GTF2IRD1: variants seen among roughly 807,000 people sequenced by gnomAD.
The protein encoded by GTF2IRD1 is GTF2I repeat domain containing 1.
A neutral mutation model predicts 113.2 loss-of-function variants in GTF2IRD1; 26 were observed. That is an observed-to-expected ratio of 0.23 (90% CI 0.17 to 0.32). GTF2IRD1 has a LOEUF of 0.32. GTF2IRD1 is among the 10% of genes least tolerant of loss of function. GTF2IRD1 has a pLI of 1.00. For synonymous variants in GTF2IRD1, 484 were observed against 529.1 expected (o/e 0.91, Z 1.17); for missense variants, 864 against 1,280.8 (o/e 0.67, Z 4.97).
intron 1 of GTF2IRD1, among the ~76,000 whole-genome samples, chr7:74,467,434 A>T (rs1554331191): frequency 6.6e-6 from 1 of 152,206 alleles, no homozygotes; most frequent in African/African-American, 2.4e-5. Context: ...AAGGCAGCTG[A>T]TGTGTGCAGA....
intron 1 of GTF2IRD1, among the ~76,000 whole-genome samples, chr7:74,466,981 C>G (rs1201637242): frequency 6.7e-6 from 1 of 149,706 alleles, no homozygotes; most frequent in East Asian, 2.0e-4. Flanking sequence ...GACAGGGTCT[C>G]GCTCCATTGC....
intron 22 of GTF2IRD1, 99 bp from the exon 23 acceptor site, chr7:74,589,752 G>A (rs1289260935): frequency 2.8e-6 from 2 of 722,918 alleles, no homozygotes; most frequent in Non-Finnish European, 5.0e-6. Context: ...TGCAGAGAAT[G>A]TAATGTTTTG....
At chr7:74,600,679 C>T (rs782624707) in intron 25 of GTF2IRD1, among the ~76,000 whole-genome samples, 5 of 152,070 alleles carry the variant, frequency 3.3e-5, no homozygotes, top group Non-Finnish European at 7.4e-5. Flanking sequence ...CCACTGGACT[C>T]CAGGCTGGGT....
At chr7:74,547,824 G>A (rs1165110495) in intron 17 of GTF2IRD1, among the ~76,000 whole-genome samples, 1 of 148,058 alleles carries the variant, frequency 6.8e-6, no homozygotes, top group Non-Finnish European at 1.5e-5. Context: ...GCAGACATGA[G>A]GCTCCCCAGG....
intron 1 of GTF2IRD1, among the ~76,000 whole-genome samples, chr7:74,504,673 C>T (rs1584541845): frequency 6.7e-6 from 1 of 149,510 alleles, no homozygotes; most frequent in Non-Finnish European, 1.5e-5. Context: ...GATAGTAGCT[C>T]ATGCGGGCCA....
At chr7:74,600,129 G>A (rs753835196) in intron 25 of GTF2IRD1, among the ~76,000 whole-genome samples, 2 of 152,132 alleles carry the variant, frequency 1.3e-5, no homozygotes, top group East Asian at 1.9e-4. Flanking sequence ...CTGAGAATGC[G>A]ATTAATATTG....
chr7:74,454,006 C>G lies in GTF2IRD1; in HGVS notation c.-177C>G, dbSNP rs1268051874. ...GGCCGGCCGATTCCCCCCCCGCGCC[C>G]CCTCCCCGCGCCTCCCTCCCCGCCC... On this transcript the variant is annotated 5_prime_UTR_variant, in exon 1 of 27. Coordinates refer to ENST00000424337, the MANE Select transcript of GTF2IRD1 (RefSeq NM_005685.4). 1 of 149,374 alleles carries G rather than the reference C, an allele frequency of 6.7e-6. No homozygotes were observed. Among genetic ancestry groups the G allele is most frequent in the South Asian group, 1.9e-4 (1 of 5,166 alleles). 9.3% of individuals were successfully genotyped at this position (149,374 alleles called of 1,614,324 possible).
intron 24 of GTF2IRD1, 137 bp from the exon 25 acceptor site, chr7:74,594,877 A>T (rs1802311629): frequency 3.9e-6 from 2 of 506,988 alleles, no homozygotes; most frequent in Non-Finnish European, 7.4e-6. Flanking sequence ...GCGTGAACCC[A>T]GGAGGTGGAG....
chr7:74,553,316 C>T (rs782612938), intron 17 of GTF2IRD1, among the ~76,000 whole-genome samples: 1 of 151,176 alleles, frequency 6.6e-6, no homozygotes, highest in African/African-American at 2.4e-5. Context: ...TTTTAAGAGA[C>T]AAGTCTTTCT....
chr7:74,460,069 C>A (rs922224393), intron 1 of GTF2IRD1, among the ~76,000 whole-genome samples: 1 of 150,910 alleles, frequency 6.6e-6, no homozygotes, highest in Non-Finnish European at 1.5e-5. Flanking sequence ...TCTCCCTCCC[C>A]GGCTCAAGCG....
intron 1 of GTF2IRD1, among the ~76,000 whole-genome samples, chr7:74,481,720 G>A (rs1163682113): frequency 6.6e-6 from 1 of 152,166 alleles, no homozygotes; most frequent in African/African-American, 2.4e-5. Context: ...GTGGGTGTGT[G>A]TATCTGTGGA....
At chr7:74,524,050 G>C in intron 7 of GTF2IRD1, 21 bp from the exon 8 acceptor site, 1 of 1,573,992 alleles carries the variant, frequency 6.4e-7, no homozygotes, top group Non-Finnish European at 8.7e-7. Flanking sequence ...CTGCTCACTT[G>C]TGCCTCCTGT....
chr7:74,569,835 G>T (rs1436100753), intron 22 of GTF2IRD1, among the ~76,000 whole-genome samples: 1 of 152,186 alleles, frequency 6.6e-6, no homozygotes, highest in Non-Finnish European at 1.5e-5. Flanking sequence ...GGCTGGGTCT[G>T]TGGGCTTGTG....
chr7:74,540,031 GGGTGGGCCA>G (rs1378447219), intron 14 of GTF2IRD1, 63 bp downstream of exon 14: 3 of 1,208,726 alleles, frequency 2.5e-6, no homozygotes. Flanking sequence ...AAAGGGAAAG[GGGTGGGCCA>G]GGCCGTCCCC....
rs587644421 is a variant in GTF2IRD1, at chr7:74,517,046, T to C, written c.422-1093T>C. ...TGTTGTTGTTGTTGTTGTTTTGAGA[T>C]GAAGTTTCACTCTGTTGCCCAGGCT... is the stretch of plus-strand genomic sequence containing the variant. On this transcript the variant is annotated intron_variant, in intron 4 of 26. Transcript: ENST00000424337. Among the ~76,000 whole-genome samples the C allele has an allele frequency of 3.3e-5, 5 of 151,828 alleles. No individual in the cohort carries two copies. In the South Asian group the frequency reaches 1.0e-3, roughly 32 times the overall value.
intron 23 of GTF2IRD1, among the ~76,000 whole-genome samples, chr7:74,590,242 G>A (rs782488515): frequency 2.0e-5 from 3 of 151,266 alleles, no homozygotes; most frequent in Non-Finnish European, 2.9e-5. Flanking sequence ...CAACACTCCC[G>A]GCTAATTTTT....
At chr7:74,468,502 A>G (rs1222315019) in intron 1 of GTF2IRD1, among the ~76,000 whole-genome samples, 1 of 151,870 alleles carries the variant, frequency 6.6e-6, no homozygotes, top group Non-Finnish European at 1.5e-5. Flanking sequence ...TACTAAAAAT[A>G]CAAAAAATTA....
intron 14 of GTF2IRD1, 98 bp from the exon 15 acceptor site, chr7:74,544,657 C>T (rs2130647338): frequency 4.8e-6 from 6 of 1,253,274 alleles, no homozygotes; most frequent in Non-Finnish European, 6.9e-6. Flanking sequence ...GTTGGGGCCC[C>T]CTGGCCTGCC....
Position 74,472,985 on chromosome 7 carries a change from C to T in GTF2IRD1, c.-7+18809C>T, listed in dbSNP as rs572121847. Among the ~76,000 whole-genome samples, 10 of 152,280 alleles carry T rather than the reference C, an allele frequency of 6.6e-5. 1 individual carries two copies. In the South Asian group the frequency reaches 1.9e-3, roughly 28 times the overall value. On this transcript the variant is annotated intron_variant, in intron 1 of 26. Coordinates refer to ENST00000424337, the MANE Select transcript of GTF2IRD1 (RefSeq NM_005685.4). ...AGAGTGGTCAGAGCATCTGCAACAC[C>T]GCAGCGGAGGAGAGGAGAGAGTGCG...
Sources: gnomAD v4.1 joint callset for allele counts (sites outside exome capture counted in the v4.1 genomes callset) on GRCh38, gnomAD v4.1.1 for gene constraint, MANE v1.5 for transcripts, NCBI Gene and HGNC (gene_info 2026-07-23, HGNC 2026-07-21) for gene names.